The following EDA variants were observed in gnomAD, a reference collection of about 807,000 sequenced individuals.
EDA encodes ectodysplasin-A.
Under a neutral mutation model 23.6 loss-of-function variants are expected in EDA, and 2 were observed. That is an observed-to-expected ratio of 0.08 (90% CI 0.03 to 0.27). The LOEUF (loss-of-function observed/expected upper bound fraction) is 0.27. EDA is among the 10% of genes least tolerant of loss of function. EDA has a pLI of 1.00. For missense variants in EDA, 229 were observed against 324.2 expected (o/e 0.71, Z 2.26); for synonymous variants, 131 against 132.0 (o/e 0.99, Z 0.05).
At chrX:70,032,262 C>CAG (rs1210960391) in intron 6 of EDA, among the ~76,000 whole-genome samples, 12 of 99,913 alleles carry the variant, frequency 1.2e-4, no homozygotes, top group Non-Finnish European at 2.2e-4. Flanking sequence ...CAGTCCATCT[C>CAG]AGAAAAAAAA....
intron 1 of EDA, among the ~76,000 whole-genome samples, chrX:69,794,245 A>C (rs1012309544): frequency 3.6e-5 from 4 of 111,622 alleles, no homozygotes; most frequent in Non-Finnish European, 5.7e-5. Context: ...TTGCTTTGAG[A>C]TATAGGCAGA....
chrX:69,694,139 T>C, intron 1 of EDA, among the ~76,000 whole-genome samples: 1 of 112,371 alleles, frequency 8.9e-6, no homozygotes, highest in Middle Eastern at 4.6e-3. Flanking sequence ...GAACTTTTAA[T>C]AATGGAGGCT....
intron 1 of EDA, among the ~76,000 whole-genome samples, chrX:69,769,571 A>G (rs2014567566): frequency 9.0e-6 from 1 of 110,816 alleles, no homozygotes; most frequent in African/African-American, 3.3e-5. Context: ...CTTTTTATTT[A>G]TCCCAGATAT....
At chrX:69,789,094 G>A (rs1272315131) in intron 1 of EDA, among the ~76,000 whole-genome samples, 1 of 112,229 alleles carries the variant, frequency 8.9e-6, no homozygotes. Context: ...AGTAGGAAAG[G>A]GAACTCCCTG....
chrX:69,697,189 A>G (rs1038799837), intron 1 of EDA, among the ~76,000 whole-genome samples: 3 of 111,733 alleles, frequency 2.7e-5, no homozygotes, highest in African/African-American at 6.5e-5. Flanking sequence ...CAGGGATTTT[A>G]TAGTCTCCTC....
intron 7 of EDA, among the ~76,000 whole-genome samples, chrX:70,034,520 C>T (rs1369976331): frequency 1.8e-5 from 2 of 111,462 alleles, no homozygotes; most frequent in African/African-American, 3.3e-5. Context: ...CCAAGTTCCA[C>T]GTGGTGGGGG....
chrX:69,652,380 A>T (rs1309719934), intron 1 of EDA, among the ~76,000 whole-genome samples: 1 of 112,103 alleles, frequency 8.9e-6, no homozygotes, highest in Non-Finnish European at 1.9e-5. Context: ...TACTCATTTA[A>T]CAAAGAATTT....
At chrX:69,958,944 G>A (rs747871850) in intron 2 of EDA, among the ~76,000 whole-genome samples, 4 of 111,284 alleles carry the variant, frequency 3.6e-5, no homozygotes, top group South Asian at 3.8e-4. Flanking sequence ...TATAGTGGGC[G>A]TGGTCTTCCC....
At chrX:70,034,959 C>T (rs947405075) in intron 7 of EDA, among the ~76,000 whole-genome samples, 1 of 102,526 alleles carries the variant, frequency 9.8e-6, no homozygotes, top group African/African-American at 3.6e-5. Context: ...CCGTGGGGCT[C>T]AAGAATGGAA....
At chrX:69,729,775 A>T (rs2012951416) in intron 1 of EDA, among the ~76,000 whole-genome samples, 1 of 111,062 alleles carries the variant, frequency 9.0e-6, no homozygotes, top group Admixed American at 9.6e-5. Context: ...TAGACTTGGG[A>T]TCTTTGCACT....
intron 1 of EDA, among the ~76,000 whole-genome samples, chrX:69,753,834 T>G (rs1431045752): frequency 3.6e-5 from 4 of 111,429 alleles, no homozygotes; most frequent in South Asian, 7.6e-4. Flanking sequence ...TATAATAGCC[T>G]TCTTTGTCTT....
intron 1 of EDA, among the ~76,000 whole-genome samples, chrX:69,717,886 G>A (rs1792795457): frequency 9.0e-6 from 1 of 111,286 alleles, no homozygotes; most frequent in Admixed American, 9.6e-5. Flanking sequence ...TGGATCCTGG[G>A]GGCAGATTTC....
chrX:69,736,087 AC>A (rs2013244618), intron 1 of EDA, among the ~76,000 whole-genome samples: 2 of 108,911 alleles, frequency 1.8e-5, no homozygotes, highest in Admixed American at 2.0e-4. Context: ...TGGGCGGATC[AC>A]CTGAGGTCGG....
chrX:69,705,496 C>T (rs184558163), intron 1 of EDA, among the ~76,000 whole-genome samples: 1 of 112,281 alleles, frequency 8.9e-6, no homozygotes, highest in Non-Finnish European at 1.9e-5. Context: ...TGACCTCTAA[C>T]CATTTTACTC....
At chrX:69,712,000 T>A (rs2012071804) in intron 1 of EDA, among the ~76,000 whole-genome samples, 1 of 111,300 alleles carries the variant, frequency 9.0e-6, no homozygotes, top group African/African-American at 3.3e-5. Context: ...TTCCTTCAGT[T>A]CTGCTCTGAT....
At chrX:70,018,955 A>G (rs1341805683) in intron 2 of EDA, among the ~76,000 whole-genome samples, 3 of 112,080 alleles carry the variant, frequency 2.7e-5, no homozygotes, top group African/African-American at 9.7e-5. Context: ...TCTGACAAAG[A>G]TATATCCAGT....
intron 1 of EDA, among the ~76,000 whole-genome samples, chrX:69,725,336 C>T (rs983231892): frequency 8.9e-6 from 1 of 112,133 alleles, no homozygotes; most frequent in Non-Finnish European, 1.9e-5. Context: ...CCTTTGTACA[C>T]ATAATGTTAT....
chrX:69,888,787 T>C (rs1257316131), intron 1 of EDA, among the ~76,000 whole-genome samples: 1 of 104,616 alleles, frequency 9.6e-6, no homozygotes, highest in East Asian at 3.1e-4. Flanking sequence ...AACATTCCAC[T>C]GAATGTATAC....
At chrX:69,870,763 C>T (rs1464912936) in intron 1 of EDA, among the ~76,000 whole-genome samples, 1 of 111,511 alleles carries the variant, frequency 9.0e-6, no homozygotes, top group Admixed American at 9.5e-5. Flanking sequence ...ACAGTAGATA[C>T]TTGGCAAGGC....
Sources: gnomAD v4.1 joint callset for allele counts (sites outside exome capture counted in the v4.1 genomes callset) on GRCh38, gnomAD v4.1.1 for gene constraint, MANE v1.5 for transcripts, NCBI Gene and HGNC (gene_info 2026-07-23, HGNC 2026-07-21) for gene names.